The following SFI1 variants were observed in gnomAD, a reference collection of about 807,000 sequenced individuals.
SFI1 encodes the protein SFI1 centrin binding protein.
Under a neutral mutation model 207.5 loss-of-function variants are expected in SFI1, and 195 were observed. The observed-to-expected ratio is 0.94, with a 90% CI of 0.84 to 1.06. The LOEUF is 1.06. SFI1 is among the 50% of genes least tolerant of loss of function. SFI1 has a pLI of 0.00. For synonymous variants in SFI1, 630 were observed against 598.9 expected (o/e 1.05, Z -0.76); for missense variants, 1,634 against 1,588.0 (o/e 1.03, Z -0.49).
chr22:31,518,413 A>G (rs4820979), intron 2 of SFI1, among the ~76,000 whole-genome samples: 107,711 of 152,092 alleles, frequency 0.71, 38,363 homozygotes, highest in Middle Eastern at 0.76. Context: ...TTACTCCTAT[A>G]TTTGATATTT....
In SFI1 at chr22:31,546,867, C is replaced by G; in HGVS notation, c.345C>G (p.Tyr115Ter). ...GRVFPSKARF[Y>*]YEQRLLRKVF... Reference sequence around the variant, plus strand: ...GATTTTTTTTTTGCCGTAGATTTTACTATGAGCAGCGATTACTACGGAAGG... The same window carrying G: ...GATTTTTTTTTTGCCGTAGATTTTAGTATGAGCAGCGATTACTACGGAAGG... The change falls in exon 5 of 33, where the codon TAC becomes TAG. Residue 115 changes from tyrosine to a stop codon, truncating the protein, a stop_gained. Coordinates refer to ENST00000400288, the MANE Select transcript of SFI1 (RefSeq NM_001007467.3). LOFTEE classifies it high-confidence loss of function. 1 of 1,591,688 alleles carries G rather than the reference C, an allele frequency of 6.3e-7. No homozygotes were observed. Among genetic ancestry groups the G allele is most frequent in the Non-Finnish European group, 8.6e-7 (1 of 1,168,408 alleles).
In SFI1 at chr22:31,594,575, G is replaced by T. The variant is rs1270362342; in HGVS notation, c.1544+4998G>T. The stretch of plus-strand genomic sequence containing the variant: ...AAAAAAAAAAAAAGAAAAGAAAAAG[G>T]CCGGGCCTGGTGGCTCATGTCTGTA... On this transcript the variant is annotated intron_variant, in intron 15 of 32. Transcript: ENST00000400288. Among the ~76,000 whole-genome samples the T allele has an allele frequency of 2.7e-5, 4 of 148,250 alleles. No individual in the cohort carries two copies. In the East Asian group the frequency reaches 5.9e-4, roughly 22 times the overall value.
chr22:31,586,804 G>C (rs923107994), intron 14 of SFI1, among the ~76,000 whole-genome samples: 1 of 152,138 alleles, frequency 6.6e-6, no homozygotes, highest in East Asian at 1.9e-4. Flanking sequence ...CAACACTGGC[G>C]GACAGTCCAG....
chr22:31,601,002 C>A (rs1224954670), intron 15 of SFI1, among the ~76,000 whole-genome samples: 8 of 152,168 alleles, frequency 5.3e-5, no homozygotes, highest in Non-Finnish European at 1.2e-4. Flanking sequence ...CAACATGTAG[C>A]CCCTAGTGGC....
At chr22:31,579,974 T>C (rs575856801) in intron 11 of SFI1, 1 of 248,422 alleles carries the variant, frequency 4.0e-6, no homozygotes, top group Admixed American at 5.3e-5. Context: ...TGTAGAATTG[T>C]CATGTGGGTC....
At chr22:31,558,878 A>G (rs931395123) in intron 7 of SFI1, among the ~76,000 whole-genome samples, 7 of 152,140 alleles carry the variant, frequency 4.6e-5, no homozygotes, top group African/African-American at 1.7e-4. Flanking sequence ...GTGCCATGGC[A>G]CAATCTTGGC....
chr22:31,564,519 T>C (rs999414225), intron 8 of SFI1, among the ~76,000 whole-genome samples: 4 of 152,088 alleles, frequency 2.6e-5, no homozygotes, highest in African/African-American at 9.7e-5. Context: ...AAGTTATTTT[T>C]TGGGGGACAG....
chr22:31,599,870 TA>T (rs2067823188), intron 15 of SFI1, among the ~76,000 whole-genome samples: 1 of 144,994 alleles, frequency 6.9e-6, no homozygotes, highest in African/African-American at 2.5e-5. Flanking sequence ...ATGATATTTT[TA>T]TTGTTGTTAT....
At chr22:31,499,851 G>A (rs1969298246) in intron 1 of SFI1, among the ~76,000 whole-genome samples, 1 of 151,766 alleles carries the variant, frequency 6.6e-6, no homozygotes, top group East Asian at 1.9e-4. Context: ...TACCAGGCAC[G>A]GTGGTATGCG....
intron 2 of SFI1, among the ~76,000 whole-genome samples, chr22:31,508,948 A>G (rs1220556844): frequency 6.6e-6 from 1 of 152,146 alleles, no homozygotes; most frequent in Non-Finnish European, 1.5e-5. Flanking sequence ...TCCTATTTTT[A>G]GTATGTCATC....
intron 22 of SFI1, 79 bp downstream of exon 22, chr22:31,608,112 A>C: frequency 8.7e-7 from 1 of 1,143,272 alleles, no homozygotes; most frequent in South Asian, 1.3e-5. Flanking sequence ...GGCCCGCATA[A>C]GTCTGTCTCC....
chr22:31,559,329 A>C (rs992831427), intron 7 of SFI1, among the ~76,000 whole-genome samples: 5 of 152,120 alleles, frequency 3.3e-5, no homozygotes, highest in African/African-American at 1.2e-4. Context: ...AGGCTGAGGC[A>C]TGAGAACCGC....
intron 11 of SFI1, among the ~76,000 whole-genome samples, chr22:31,579,534 C>T (rs547153986): frequency 7.6e-4 from 115 of 152,184 alleles, no homozygotes; most frequent in East Asian, 3.9e-3. Flanking sequence ...CCAAGATGGT[C>T]TCGATCTCCT....
chr22:31,557,545 A>C (rs955431270), intron 7 of SFI1, among the ~76,000 whole-genome samples: 1 of 152,078 alleles, frequency 6.6e-6, no homozygotes, highest in African/African-American at 2.4e-5. Flanking sequence ...TTTACTGATA[A>C]CTTGTTTATA....
At chr22:31,599,812 A>G (rs1046859776) in intron 15 of SFI1, among the ~76,000 whole-genome samples, 1 of 151,792 alleles carries the variant, frequency 6.6e-6, no homozygotes, top group African/African-American at 2.4e-5. Flanking sequence ...TTTCATGTTT[A>G]GTGCAAGAAC....
intron 27 of SFI1, 57 bp from the exon 28 acceptor site, chr22:31,614,730 TCA>T: frequency 6.3e-7 from 1 of 1,584,856 alleles, no homozygotes; most frequent in South Asian, 1.1e-5. Flanking sequence ...CACAGAGATC[TCA>T]GACCCCCCTG....
Position 31,585,120 on chromosome 22 carries a change from A to G in SFI1, c.1399A>G (p.Arg467Gly), listed in dbSNP as rs2064854962. ...ATTGTGGCTACAGTATACTCAGAAGAGGCGGTACAAGCAGGTATGGAGTAC... is the reference window on the plus strand; with the variant it reads ...ATTGTGGCTACAGTATACTCAGAAGGGGCGGTACAAGCAGGTATGGAGTAC... ...IELWLQYTQK[R>G]RYKQLLQARA... The change falls in exon 14 of 33, where the codon AGG becomes GGG. Residue 467 changes from arginine to glycine, a missense_variant. Coordinates refer to ENST00000400288, the MANE Select transcript of SFI1 (RefSeq NM_001007467.3). The G allele has an allele frequency of 6.2e-7, 1 of 1,614,048 alleles. No individual in the cohort carries two copies. Among genetic ancestry groups the G allele is most frequent in the Non-Finnish European group, 8.5e-7 (1 of 1,179,936 alleles).
rs1269460483 is a variant in SFI1 at position 31,575,308 on chromosome 22, G to A, written c.1000G>A (p.Glu334Lys). ...CTGGCAGCAGGCCTGGGAGCGGAGG[G>A]AGAGCTTGTACGCTCACCATGCCCA... ...CDWQQAWERRESLYAHHAQVE... is the reference protein window; with the variant it reads ...CDWQQAWERRKSLYAHHAQVE... The change falls in exon 10 of 33, where the codon GAG becomes AAG. Residue 334 changes from glutamate to lysine, a missense_variant. Physicochemically the swap from Glu to Lys is moderately conservative, Grantham distance 56 (BLOSUM62 1). Coordinates refer to ENST00000400288, the MANE Select transcript of SFI1 (RefSeq NM_001007467.3). 1.9e-6 allele frequency: 3 copies of A among 1,613,528 alleles called. No individual in the cohort carries two copies. Among genetic ancestry groups the A allele is most frequent in the Middle Eastern group, 1.7e-4 (1 of 6,034 alleles).
chr22:31,613,470 G>A lies in SFI1; in HGVS notation c.2682G>A (p.Leu894=). Residue 894 remains leucine, a synonymous_variant, in exon 26 of 33, where the codon CTG becomes CTA. Coordinates refer to ENST00000400288, the MANE Select transcript of SFI1 (RefSeq NM_001007467.3). ...QLLQEGATRL[L]RFAASMKASR... ...TCCAGGAGGGTGCCACGCGGCTCCT[G>A]CGCTTTGCAGCCAGCATGAAGGCCT... is the stretch of plus-strand genomic sequence containing the variant. The A allele has an allele frequency of 1.2e-6, 2 of 1,601,636 alleles. No homozygotes were observed. The highest frequency in any genetic ancestry group is 1.1e-5 in the South Asian group (1 of 90,640).
Sources: allele counts gnomAD v4.1 joint callset (sites outside exome capture counted in the v4.1 genomes callset), GRCh38; gene constraint gnomAD v4.1.1; transcripts MANE v1.5; gene names NCBI Gene and HGNC (gene_info 2026-07-23, HGNC 2026-07-21).